Variants in FEZ2 observed in about 807,000 individuals in gnomAD.
The protein encoded by FEZ2 is fasciculation and elongation protein zeta 2.
FEZ2 carries 51 observed loss-of-function variants against 40.4 expected under a neutral mutation model. The observed-to-expected ratio is 1.26, with a 90% CI of 1.01 to 1.59. FEZ2 has a LOEUF of 1.59. FEZ2 is among the 40% of genes most tolerant of loss of function. The pLI is 0.00. For synonymous variants in FEZ2, 242 were observed against 172.0 expected, an observed-to-expected ratio of 1.41 and a Z score of -3.18; for missense variants, 640 against 438.3, an observed-to-expected ratio of 1.46 and a Z score of -4.11.
chr2:36,583,679 G>A (rs1254484349), intron 2 of FEZ2, among the ~76,000 whole-genome samples: 1 of 152,152 alleles, frequency 6.6e-6, no homozygotes, highest in Non-Finnish European at 1.5e-5. Context: ...TGAAATCACT[G>A]AGATGCTGCA....
At chr2:36,593,142 C>A (rs528065476) in intron 1 of FEZ2, among the ~76,000 whole-genome samples, 56 of 152,162 alleles carry the variant, frequency 3.7e-4, no homozygotes, top group South Asian at 4.1e-4. Flanking sequence ...AAGACTGGGA[C>A]GAAAAAGAGG....
chr2:36,595,755 C>G (rs889741059), intron 1 of FEZ2, among the ~76,000 whole-genome samples: 2 of 152,190 alleles, frequency 1.3e-5, no homozygotes, highest in African/African-American at 4.8e-5. Context: ...CAGTGATGAC[C>G]AGCTCCCAAC....
chr2:36,583,356 G>C lies in FEZ2; in HGVS notation c.489C>G (p.Asp163Glu), dbSNP rs772136298. The change falls in exon 3 of 8, where the codon GAC becomes GAG. Residue 163 changes from aspartate (D) to glutamate (E), a missense_variant. Coordinates refer to ENST00000405912, the MANE Select transcript of FEZ2 (RefSeq NM_005102.3). ...CVNDEPLFTA[D>E]QVIEEIEEMM... ...TTGCTGAGGATCTCCTCTATACCTG[G>C]TCTGCCGTGAAGAGGGGTTCATCAT... is the stretch of plus-strand genomic sequence containing the variant. The C allele has an allele frequency of 2.6e-6, 4 of 1,527,426 alleles. No individual in the cohort carries two copies. The highest frequency in any genetic ancestry group is 3.6e-6 in the Non-Finnish European group (4 of 1,101,400). The allele number at this position is 1,527,426 out of a possible 1,614,324, so 94.6% of individuals were successfully genotyped here. A position where few individuals can be genotyped will look rare whatever the true frequency, so the allele number is the denominator to read the frequency against.
chr2:36,571,947 G>C (rs1190249875), intron 5 of FEZ2, among the ~76,000 whole-genome samples: 2 of 149,708 alleles, frequency 1.3e-5, no homozygotes, highest in African/African-American at 4.9e-5. Flanking sequence ...CCGGGGATGC[G>C]GAGGTTGCAG....
Position 36,558,479 on chromosome 2 carries a change from T to G in FEZ2, c.938A>C (p.Asn313Thr). The part of the protein sequence containing the change: ...LTTVIPYEKK[N>T]GPPSVEDLQI... ...AAGATCTTCAACAGACGGTGGTCCGTTTTTTTTCTCATAAGGAATGACTGT... is the reference window on the plus strand; with the variant it reads ...AAGATCTTCAACAGACGGTGGTCCGGTTTTTTTCTCATAAGGAATGACTGT... Residue 313 changes from asparagine to threonine, a missense_variant, in exon 6 of 8, where the codon AAC becomes ACC. Transcript: ENST00000405912. 6.6e-7 allele frequency: 1 copy of G among 1,520,502 alleles called. No individual in the cohort carries two copies. Among genetic ancestry groups the G allele is most frequent in the South Asian group, 1.3e-5 (1 of 79,000 alleles). 94.2% of individuals were successfully genotyped at this position (1,520,502 alleles called of 1,614,324 possible).
chr2:36,566,334 C>T (rs915311756), intron 5 of FEZ2, among the ~76,000 whole-genome samples: 27 of 117,434 alleles, frequency 2.3e-4, no homozygotes, highest in African/African-American at 9.8e-4. Flanking sequence ...AGCGAGACTC[C>T]GTCTCAAAAA....
Position 36,576,757 on chromosome 2 carries a change from G to GA in FEZ2, c.903+1839dup, listed in dbSNP as rs372758382. Among the ~76,000 whole-genome samples, 361 of 152,334 alleles carry GA rather than the reference G, an allele frequency of 2.4e-3. 1 individual carries two copies. Among genetic ancestry groups the GA allele is most frequent in the African/African-American group, 8.2e-3 (341 of 41,570 alleles). On this transcript the variant is annotated intron_variant, in intron 5 of 7. Transcript: ENST00000405912. ...TCAAGACCAATGAAGGCTGAAGTAA[G>GA]ACCTAACTGTTGCCTTGCCAAATCC...
chr2:36,594,171 G>A (rs1364687843), intron 1 of FEZ2, among the ~76,000 whole-genome samples: 2 of 151,954 alleles, frequency 1.3e-5, no homozygotes, highest in Non-Finnish European at 2.9e-5. Context: ...CAGCATTTTG[G>A]GAAAGCCATT....
At chr2:36,571,706 TTAGA>T (rs1390991968) in intron 5 of FEZ2, among the ~76,000 whole-genome samples, 22 of 151,070 alleles carry the variant, frequency 1.5e-4, no homozygotes, top group Admixed American at 9.2e-4. Flanking sequence ...GCACCACTGC[TTAGA>T]TAAAGGGGAA....
At chr2:36,591,043 A>C in intron 1 of FEZ2, 32 bp from the exon 2 acceptor site, 1 of 1,294,324 alleles carries the variant, frequency 7.7e-7, no homozygotes, top group Non-Finnish European at 1.1e-6. Context: ...ATCAATGAAA[A>C]TTAACATTCT....
rs1668644735 is a variant in FEZ2 at position 36,578,646 on chromosome 2, T to C, written c.854A>G (p.Asn285Ser). The C allele has an allele frequency of 1.2e-6, 2 of 1,613,516 alleles. No homozygotes were observed. The highest frequency in any genetic ancestry group is 1.7e-6 in the Non-Finnish European group (2 of 1,179,828). ...ATTCTTCCCATTCTGAGAGCTGCCA[T>C]TTTTTAGTTTCTTTTTCTTTTTTGC... The part of the protein sequence containing the change: ...ETAKKKKKLK[N>S]GSSQNGKNER... Residue 285 changes from asparagine to serine, a missense_variant, in exon 5 of 8, where the codon AAT becomes AGT. Asn to Ser is a conservative substitution (Grantham distance 46). Coordinates refer to ENST00000405912, the MANE Select transcript of FEZ2 (RefSeq NM_005102.3).
At chr2:36,565,223 G>C (rs72868443) in intron 5 of FEZ2, among the ~76,000 whole-genome samples, 1,618 of 152,262 alleles carry the variant, frequency 0.011, 19 homozygotes, top group African/African-American at 0.037. Flanking sequence ...TGAAATCGCT[G>C]CAACAGCCTC....
chr2:36,563,451 C>A (rs1668145557), intron 5 of FEZ2, among the ~76,000 whole-genome samples: 1 of 149,904 alleles, frequency 6.7e-6, no homozygotes, highest in African/African-American at 2.5e-5. Context: ...GCAGCATGTA[C>A]AGTTCAATCG....
chr2:36,581,896 T>A (rs185433539), intron 3 of FEZ2, among the ~76,000 whole-genome samples: 1 of 152,246 alleles, frequency 6.6e-6, no homozygotes, highest in African/African-American at 2.4e-5. Context: ...AAAAAAAGTA[T>A]ATATAAATGG....
intron 5 of FEZ2, among the ~76,000 whole-genome samples, chr2:36,574,373 T>C (rs1487083724): frequency 6.6e-6 from 1 of 152,136 alleles, no homozygotes; most frequent in Non-Finnish European, 1.5e-5. Context: ...CGTTCACTCA[T>C]TCATTCAGCA....
chr2:36,568,429 C>G (rs1284539371), intron 5 of FEZ2, among the ~76,000 whole-genome samples: 1 of 152,172 alleles, frequency 6.6e-6, no homozygotes, highest in Non-Finnish European at 1.5e-5. Flanking sequence ...CGCAGTATAT[C>G]AGAAAACCCA....
At chr2:36,557,866 C>T (rs1167835359) in intron 6 of FEZ2, 2 of 151,956 alleles carry the variant, frequency 1.3e-5, no homozygotes, top group African/African-American at 4.8e-5. Context: ...AAGGCAAGCC[C>T]CTTGAAGGTG....
intron 1 of FEZ2, chr2:36,594,364 A>T (rs1460166781): frequency 6.2e-6 from 1 of 160,708 alleles, no homozygotes; most frequent in Non-Finnish European, 1.3e-5. Flanking sequence ...CATGCAGCTG[A>T]TAAAGACATA....
intron 5 of FEZ2, among the ~76,000 whole-genome samples, chr2:36,574,062 T>A (rs182650958): frequency 6.6e-6 from 1 of 152,260 alleles, no homozygotes; most frequent in African/African-American, 2.4e-5. Flanking sequence ...TTTGGTTTAA[T>A]AGTATAAATT....
Sources: allele counts gnomAD v4.1 joint callset (sites outside exome capture counted in the v4.1 genomes callset), GRCh38; gene constraint gnomAD v4.1.1; transcripts MANE v1.5; gene names NCBI Gene and HGNC (gene_info 2026-07-23, HGNC 2026-07-21).